ING5: variants seen among roughly 807,000 people sequenced by gnomAD.
The protein encoded by ING5 is inhibitor of growth protein 5.
ING5 carries 17 observed loss-of-function variants against 37.4 expected under a neutral mutation model. That is an observed-to-expected ratio of 0.45 (90% CI 0.31 to 0.68). The LOEUF (loss-of-function observed/expected upper bound fraction) is 0.68. ING5 is among the 30% of genes least tolerant of loss of function. The pLI is 0.05. For missense variants in ING5, 233 were observed against 311.9 expected (o/e 0.75, Z 1.91); for synonymous variants, 123 against 116.6 (o/e 1.06, Z -0.36).
chr2:241,721,400 A>ATTCTG (rs1344460554), intron 5 of ING5: 1 of 985,540 alleles, frequency 1.0e-6, no homozygotes, highest in African/African-American at 1.7e-5. Flanking sequence ...AAAGAGCAGA[A>ATTCTG]GAGCAGATTA....
intron 2 of ING5, among the ~76,000 whole-genome samples, chr2:241,692,067 A>G (rs2069564837): frequency 6.6e-6 from 1 of 152,056 alleles, no homozygotes; most frequent in Non-Finnish European, 1.5e-5. Context: ...AAAAATATAA[A>G]AAAAGAAAAC....
intron 3 of ING5, among the ~76,000 whole-genome samples, 191 bp downstream of exon 3, chr2:241,709,573 T>TTC (rs1164154900): frequency 3.3e-5 from 5 of 150,982 alleles, no homozygotes; most frequent in Admixed American, 1.3e-4. Context: ...TTTTTTTTTT[T>TTC]CTGGGCCCTT....
chr2:241,719,401 A>T, intron 5 of ING5: 1 of 677,436 alleles, frequency 1.5e-6, no homozygotes, highest in Non-Finnish European at 2.5e-6. Context: ...CAGGTCATCT[A>T]GCTCTTGTTG....
rs1050509932 is a variant in ING5, at chr2:241,728,612, C to G, written c.*3581C>G. The stretch of plus-strand genomic sequence containing the variant: ...TGCATCTGCGAATGTGCCCTAGGTG[C>G]TGCTGCTGGGGACATGGATGCCAAG... On this transcript the variant is annotated 3_prime_UTR_variant, in exon 8 of 8. Transcript: ENST00000313552. The G allele has an allele frequency of 6.6e-6, 1 of 152,628 alleles. No individual in the cohort carries two copies. The highest frequency in any genetic ancestry group is 1.5e-5 in the Non-Finnish European group (1 of 68,072). 9.5% of individuals were successfully genotyped at this position (152,628 alleles called of 1,614,324 possible).
At chr2:241,713,087 G>T (rs912777098) in intron 5 of ING5, among the ~76,000 whole-genome samples, 1 of 144,824 alleles carries the variant, frequency 6.9e-6, no homozygotes, top group Non-Finnish European at 1.5e-5. Context: ...ATGGGGTTTC[G>T]CTCTTGTTGC....
At chr2:241,719,872 G>T (rs920037683) in intron 5 of ING5, 1 of 1,373,944 alleles carries the variant, frequency 7.3e-7, no homozygotes, top group Non-Finnish European at 9.4e-7. Context: ...GCAGGTCCCA[G>T]TAGTGACAGA....
At chr2:241,694,518 A>T (rs1289646312) in intron 2 of ING5, among the ~76,000 whole-genome samples, 2 of 152,126 alleles carry the variant, frequency 1.3e-5, no homozygotes, top group Non-Finnish European at 1.5e-5. Flanking sequence ...ATGTTAAAAA[A>T]AAGTTTAGCT....
Position 241,725,282 on chromosome 2 carries a change from C to T in ING5, c.*251C>T, listed in dbSNP as rs888564989. The stretch of plus-strand genomic sequence containing the variant: ...ACTCCCCCCGAGCATCAGCAGGGAC[C>T]CCGGCGGACGTGGGCGGGCGCGCGT... On this transcript the variant is annotated 3_prime_UTR_variant, in exon 8 of 8. Coordinates refer to ENST00000313552, the MANE Select transcript of ING5 (RefSeq NM_032329.6). 5.7e-6 allele frequency: 3 copies of T among 522,852 alleles called. No homozygotes were observed. Among genetic ancestry groups the T allele is most frequent in the African/African-American group, 3.9e-5 (2 of 51,562 alleles). The allele number at this position is 522,852 out of a possible 1,614,324, so 32.4% of individuals were successfully genotyped here.
rs148992325 is a variant in ING5 at position 241,724,705 on chromosome 2, C to T, written c.681-284C>T. The T allele has an allele frequency of 1.5e-3, 739 of 494,234 alleles. 2 individuals are homozygous for T. Among genetic ancestry groups the T allele is most frequent in the African/African-American group, 0.011 (558 of 51,392 alleles). The allele number at this position is 494,234 out of a possible 1,614,324, so 30.6% of individuals were successfully genotyped here. A position where few individuals can be genotyped will look rare whatever the true frequency, so the allele number is the denominator to read the frequency against. On this transcript the variant is annotated intron_variant, in intron 7 of 7. Coordinates refer to ENST00000313552, the MANE Select transcript of ING5 (RefSeq NM_032329.6). ...GGGCACCAGCGACCCTGCCATCGGC[C>T]GGGGAAGAAGGACCCACCTGTTAAG...
chr2:241,720,497 C>T, intron 5 of ING5: 1 of 1,001,070 alleles, frequency 1.0e-6, no homozygotes, highest in Non-Finnish European at 1.2e-6. Flanking sequence ...TGAGGCTGCC[C>T]CCTGCACTGT....
At chr2:241,712,208 C>G (rs188648314) in intron 5 of ING5, 137 bp downstream of exon 5, 1 of 714,512 alleles carries the variant, frequency 1.4e-6, no homozygotes, top group African/African-American at 1.8e-5. Flanking sequence ...TTACGCTGCG[C>G]GCCTGTCGTC....
chr2:241,696,215 C>A (rs1436139185), intron 2 of ING5, among the ~76,000 whole-genome samples: 2 of 152,040 alleles, frequency 1.3e-5, no homozygotes, highest in Non-Finnish European at 2.9e-5. Flanking sequence ...CATAGTGAAA[C>A]CCCGTGTCTA....
chr2:241,700,463 A>G (rs1292937464), upstream of ING5, among the ~76,000 whole-genome samples: 1 of 140,918 alleles, frequency 7.1e-6, no homozygotes, highest in Admixed American at 7.1e-5. Context: ...GCCCTATTTT[A>G]TTTTATTTTT....
chr2:241,709,969 G>C (rs2124908262), intron 3 of ING5, among the ~76,000 whole-genome samples: 1 of 151,876 alleles, frequency 6.6e-6, no homozygotes, highest in African/African-American at 2.4e-5. Context: ...TTGAGACAGA[G>C]TCTTGCTCTG....
At chr2:241,697,674 C>T (rs985497524), upstream of ING5, among the ~76,000 whole-genome samples, 1 of 151,604 alleles carries the variant, frequency 6.6e-6, no homozygotes, top group Non-Finnish European at 1.5e-5. Flanking sequence ...CCAGGGGCCT[C>T]GGGAGGGGGA....
chr2:241,698,883 C>G (rs2124862623), upstream of ING5, among the ~76,000 whole-genome samples: 1 of 152,188 alleles, frequency 6.6e-6, no homozygotes, highest in South Asian at 2.1e-4. Context: ...CAGCTACCAC[C>G]ACAACCAGCT....
In ING5 at chr2:241,725,213, C is replaced by T. The variant is rs542106887; in HGVS notation, c.*182C>T. On this transcript the variant is annotated 3_prime_UTR_variant, in exon 8 of 8. Transcript: ENST00000313552. ...AAGCCTGTTCGCACAGAAGGGCGAC[C>T]TTGCAGGGACTCGCCGCCGCGACCT... 5.0e-5 allele frequency: 33 copies of T among 657,972 alleles called. No individual in the cohort carries two copies. The highest frequency in any genetic ancestry group is 3.0e-4 in the East Asian group (11 of 36,160). 40.8% of individuals were successfully genotyped at this position (657,972 alleles called of 1,614,324 possible).
At chr2:241,719,383 T>A in intron 5 of ING5, 44 of 591,312 alleles carry the variant, frequency 7.4e-5, no homozygotes, top group Non-Finnish European at 1.0e-4. Context: ...CACCCCCCAC[T>A]CTGGCTGCAG....
chr2:241,717,518 T>C (rs778908506), intron 5 of ING5, among the ~76,000 whole-genome samples: 5 of 152,204 alleles, frequency 3.3e-5, no homozygotes, highest in Non-Finnish European at 5.9e-5. Context: ...TTGCAGTACA[T>C]GTATGCTGAT....
Sources: allele counts gnomAD v4.1 joint callset (sites outside exome capture counted in the v4.1 genomes callset), GRCh38; gene constraint gnomAD v4.1.1; transcripts MANE v1.5; gene names NCBI Gene and HGNC (gene_info 2026-07-23, HGNC 2026-07-21).